NRG1: variants seen among roughly 807,000 people sequenced by gnomAD.
NRG1 encodes the protein pro-neuregulin-1, membrane-bound isoform.
In NRG1, 18 loss-of-function variants were observed where a neutral mutation model predicts 63.8. The ratio of observed to expected loss-of-function variants is 0.28; its 90% CI spans 0.19 to 0.42. The LOEUF is 0.42. Ranked by LOEUF, NRG1 falls within the 10% of genes least tolerant of loss-of-function variation. The pLI, the probability that NRG1 is intolerant of heterozygous loss-of-function variation, is 1.00. For synonymous variants in NRG1, 302 were observed against 301.3 expected, an observed-to-expected ratio of 1.00 and a Z score of -0.02; for missense variants, 762 against 814.7, an observed-to-expected ratio of 0.94 and a Z score of 0.79.
chr8:32,080,808 T>A lies in NRG1; in HGVS notation c.37+441377T>A, dbSNP rs112208098. ...GTGTGTGTGTGTGTGTGTGTGTGTG[T>A]GACAGAGACAGACAGAAAGAGAGTG... On this transcript the variant is annotated intron_variant, in intron 1 of 10. Coordinates refer to the NRG1 transcript ENST00000519301. Among the ~76,000 whole-genome samples, 12 of 130,538 alleles carry A rather than the reference T, an allele frequency of 9.2e-5. No homozygotes were observed. The East Asian group carries it at 1.4e-3, about 15-fold the overall frequency. The allele number at this position is 130,538 out of a possible 152,430, so 85.6% of individuals were successfully genotyped here.
chr8:31,857,496 A>C (rs1030109239), intron 1 of NRG1, among the ~76,000 whole-genome samples: 4 of 152,108 alleles, frequency 2.6e-5, no homozygotes, highest in Non-Finnish European at 5.9e-5. Flanking sequence ...GCACCCACTG[A>C]CCTGCGCCCA....
intron 1 of NRG1, among the ~76,000 whole-genome samples, chr8:32,233,979 T>A (rs1017071099): frequency 2.6e-5 from 4 of 152,222 alleles, no homozygotes; most frequent in African/African-American, 9.6e-5. Context: ...TGTCCAGATT[T>A]TTATTTCAGT....
intron 1 of NRG1, among the ~76,000 whole-genome samples, chr8:31,835,168 C>A (rs923089522): frequency 6.6e-6 from 1 of 152,156 alleles, no homozygotes; most frequent in African/African-American, 2.4e-5. Flanking sequence ...TCCCACAAAT[C>A]TGTGAACTAG....
At chr8:32,599,366 C>T (rs149665941) in intron 2 of NRG1, among the ~76,000 whole-genome samples, 1 of 152,218 alleles carries the variant, frequency 6.6e-6, no homozygotes, top group Non-Finnish European at 1.5e-5. Context: ...GTCTTGGCTT[C>T]TTTTTCACAC....
chr8:32,372,272 G>A (rs990554070), intron 1 of NRG1, among the ~76,000 whole-genome samples: 2 of 151,856 alleles, frequency 1.3e-5, no homozygotes, highest in African/African-American at 4.8e-5. Flanking sequence ...TTACGGGTGT[G>A]ACCCAGTGTG....
chr8:31,910,557 C>T (rs768679017), intron 1 of NRG1, among the ~76,000 whole-genome samples: 47 of 152,094 alleles, frequency 3.1e-4, no homozygotes, highest in Admixed American at 2.1e-3. Context: ...TAAAGAATTC[C>T]ACTGTGGAAA....
chr8:32,364,807 G>A (rs571481086), intron 1 of NRG1, among the ~76,000 whole-genome samples: 1 of 152,130 alleles, frequency 6.6e-6, no homozygotes, highest in East Asian at 1.9e-4. Context: ...CAAAGTGTCT[G>A]TTCTTGTATC....
intron 1 of NRG1, among the ~76,000 whole-genome samples, chr8:32,566,118 C>T (rs1837386424): frequency 6.6e-6 from 1 of 151,998 alleles, no homozygotes; most frequent in Non-Finnish European, 1.5e-5. Context: ...CTTTGGGAGG[C>T]CAAGGAGACG....
intron 1 of NRG1, among the ~76,000 whole-genome samples, chr8:32,045,654 G>T (rs1410977883): frequency 2.0e-5 from 3 of 151,926 alleles, no homozygotes; most frequent in Non-Finnish European, 4.4e-5. Flanking sequence ...AAATAGACCT[G>T]CATAAATATG....
intron 1 of NRG1, among the ~76,000 whole-genome samples, chr8:31,713,310 G>T (rs538510008): frequency 3.3e-5 from 5 of 151,698 alleles, no homozygotes; most frequent in African/African-American, 7.2e-5. Flanking sequence ...TGTAGACGGG[G>T]TTTCACTGTG....
chr8:32,694,730 C>G (rs149942613), intron 5 of NRG1, among the ~76,000 whole-genome samples: 64 of 152,284 alleles, frequency 4.2e-4, no homozygotes, highest in Non-Finnish European at 7.9e-4. Flanking sequence ...ACAGCCTTGA[C>G]ACTGATAATA....
intron 1 of NRG1, among the ~76,000 whole-genome samples, chr8:32,125,913 G>A (rs1281066479): frequency 1.3e-5 from 2 of 151,878 alleles, no homozygotes; most frequent in South Asian, 2.1e-4. Flanking sequence ...ATTGAGTAGG[G>A]GATTCTATTC....
chr8:32,622,182 T>C (rs979336895), intron 5 of NRG1, among the ~76,000 whole-genome samples: 9 of 152,118 alleles, frequency 5.9e-5, no homozygotes, highest in Non-Finnish European at 7.4e-5. Flanking sequence ...AGTGGGAGGA[T>C]TGCTTGAGCA....
At chr8:31,717,657 A>G (rs1812493544) in intron 1 of NRG1, among the ~76,000 whole-genome samples, 3 of 152,106 alleles carry the variant, frequency 2.0e-5, no homozygotes, top group Admixed American at 2.0e-4. Context: ...ACGGCTTTAT[A>G]TTTACTGTCC....
chr8:32,748,333 G>GCGCGCA (rs149187572), intron 7 of NRG1, among the ~76,000 whole-genome samples: 7,352 of 91,462 alleles, frequency 0.08, 411 homozygotes, highest in East Asian at 0.41. Context: ...GTACACGCGC[G>GCGCGCA]CGCGCGCACA....
intron 1 of NRG1, among the ~76,000 whole-genome samples, chr8:31,659,992 A>G (rs1186760956): frequency 6.6e-6 from 1 of 152,150 alleles, no homozygotes; most frequent in African/African-American, 2.4e-5. Flanking sequence ...TTTACAGATG[A>G]AACTGTCTCA....
In NRG1 at chr8:31,889,950, G is replaced by GA. The variant is rs201813209; in HGVS notation, c.37+250527dup. ...CTGATAATTAATATGTATATAAAGT[G>GA]AAAAAAAAGAAAGAAAAAAGGGAAA... On this transcript the variant is annotated intron_variant, in intron 1 of 10. Coordinates refer to the NRG1 transcript ENST00000519301. 3.2e-3 allele frequency among the ~76,000 whole-genome samples: 482 copies of GA among 151,566 alleles called. 3 individuals are homozygous for GA. Among genetic ancestry groups the GA allele is most frequent in the African/African-American group, 0.011 (447 of 41,378 alleles).
intron 1 of NRG1, among the ~76,000 whole-genome samples, chr8:32,277,633 G>A (rs1852247409): frequency 6.6e-6 from 1 of 152,084 alleles, no homozygotes; most frequent in Non-Finnish European, 1.5e-5. Flanking sequence ...TTAACCAGGG[G>A]TGATTTTGCC....
chr8:31,966,400 G>A (rs552715510), intron 1 of NRG1, among the ~76,000 whole-genome samples: 4 of 152,298 alleles, frequency 2.6e-5, no homozygotes, highest in Non-Finnish European at 2.9e-5. Context: ...AAAACTGTGT[G>A]TAGAAAAATA....
Sources: gnomAD v4.1 joint callset for allele counts (sites outside exome capture counted in the v4.1 genomes callset) on GRCh38, gnomAD v4.1.1 for gene constraint, MANE v1.5 for transcripts, NCBI Gene and HGNC (gene_info 2026-07-23, HGNC 2026-07-21) for gene names.